CFH: variants seen among roughly 807,000 people sequenced by gnomAD.
CFH encodes H factor 1 (complement).
In CFH, 53 loss-of-function variants were observed where a neutral mutation model predicts 147.3. The observed-to-expected ratio is 0.36, with a 90% CI of 0.29 to 0.45. The LOEUF is 0.45. Among genes scored for constraint, CFH ranks in the 20% least tolerant of loss-of-function variants. The pLI is 1.00. For synonymous variants in CFH, 536 were observed against 489.4 expected (o/e 1.10, Z -1.26); for missense variants, 1,380 against 1,498.0 (o/e 0.92, Z 1.30).
intron 17 of CFH, among the ~76,000 whole-genome samples, chr1:196,737,895 A>G (rs1573077040): frequency 6.6e-6 from 1 of 152,156 alleles, no homozygotes; most frequent in Non-Finnish European, 1.5e-5. Flanking sequence ...GTGAAATTAA[A>G]CCTATCTGTA....
At chr1:196,669,078 G>A (rs1573004541) in intron 1 of CFH, among the ~76,000 whole-genome samples, 1 of 152,130 alleles carries the variant, frequency 6.6e-6, no homozygotes, top group East Asian at 1.9e-4. Flanking sequence ...ATGGGGACAA[G>A]GAACTTATTG....
At chr1:196,656,363 T>C (rs1278081680) in intron 1 of CFH, among the ~76,000 whole-genome samples, 2 of 151,826 alleles carry the variant, frequency 1.3e-5, no homozygotes, top group Middle Eastern at 3.4e-3. Context: ...CAATATTCTT[T>C]CAGAAACTCC....
At position 196,728,525 on chromosome 1, in the gene CFH, A is replaced by G. The variant is rs758944659; in HGVS notation, c.2413+3A>G. The G allele has an allele frequency of 2.5e-6, 4 of 1,612,274 alleles. No individual in the cohort carries two copies. The South Asian group carries it at 4.4e-5, about 18-fold the overall frequency. The stretch of plus-strand genomic sequence containing the variant: ...GGATCCAGAAGTGAACTGCTCAAGT[A>G]AGCTCTTATTTTGTTTTCAGAAATG... On this transcript the variant is annotated splice_donor_region_variant and intron_variant, in intron 15 of 21. Coordinates refer to ENST00000367429, the MANE Select transcript of CFH (RefSeq NM_000186.4).
chr1:196,745,487 G>T (rs1179679633), intron 20 of CFH, among the ~76,000 whole-genome samples: 2 of 152,004 alleles, frequency 1.3e-5, no homozygotes, highest in Non-Finnish European at 2.9e-5. Flanking sequence ...TAATTCCTAT[G>T]GGATTTTTCG....
At chr1:196,725,426 G>C in intron 12 of CFH, 129 bp downstream of exon 12, 1 of 856,200 alleles carries the variant, frequency 1.2e-6, no homozygotes, top group Non-Finnish European at 1.9e-6. Flanking sequence ...TGCCTGTGAA[G>C]GACATGTATT....
chr1:196,714,668 T>TATAGAGAGAG (rs1362376856), intron 10 of CFH, among the ~76,000 whole-genome samples: 6 of 21,308 alleles, frequency 2.8e-4, no homozygotes, highest in Non-Finnish European at 4.2e-4. Flanking sequence ...TATATATATA[T>TATAGAGAGAG]AGAGAGAGAG....
chr1:196,688,283 C>T (rs991686947), intron 7 of CFH, among the ~76,000 whole-genome samples: 9 of 151,778 alleles, frequency 5.9e-5, no homozygotes, highest in East Asian at 1.9e-4. Flanking sequence ...ATGTATTTGT[C>T]AAAATTAATA....
At chr1:196,686,420 A>T (rs1221115768) in intron 7 of CFH, among the ~76,000 whole-genome samples, 2 of 152,038 alleles carry the variant, frequency 1.3e-5, no homozygotes, top group African/African-American at 4.8e-5. Flanking sequence ...CATGTAGCAA[A>T]ATACCACTCA....
chr1:196,713,704 C>G, intron 9 of CFH, 31 bp from the exon 10 acceptor site: 1 of 1,348,608 alleles, frequency 7.4e-7, no homozygotes, highest in South Asian at 1.2e-5. Context: ...TGATCATATG[C>G]TTGTCTTTTT....
chr1:196,672,706 T>C (rs986761397), intron 1 of CFH, among the ~76,000 whole-genome samples: 6 of 152,188 alleles, frequency 3.9e-5, no homozygotes, highest in African/African-American at 1.4e-4. Flanking sequence ...AATATATCTA[T>C]TGCTTTGCAA....
At chr1:196,714,656 TATATATATATATAGAGAGAGAGAG>T (rs1185035653) in intron 10 of CFH, among the ~76,000 whole-genome samples, 9 of 49,348 alleles carry the variant, frequency 1.8e-4, no homozygotes, top group Non-Finnish European at 3.1e-4. Context: ...TATATATATA[TATATATATATATAGAGAGAGAGAG>T]AGAGAGAGAG....
intron 1 of CFH, among the ~76,000 whole-genome samples, chr1:196,661,434 T>C (rs894262390): frequency 2.0e-5 from 3 of 152,222 alleles, no homozygotes; most frequent in African/African-American, 7.2e-5. Context: ...TTTCTTACAC[T>C]TCTGAATGCT....
At chr1:196,724,716 C>G (rs192268303) in intron 11 of CFH, among the ~76,000 whole-genome samples, 142 of 152,260 alleles carry the variant, frequency 9.3e-4, no homozygotes, top group African/African-American at 3.4e-3. Context: ...GAACTTGTGT[C>G]CAAACTCCTT....
chr1:196,671,952 C>T (rs981288150), intron 1 of CFH, among the ~76,000 whole-genome samples: 1 of 151,242 alleles, frequency 6.6e-6, no homozygotes, highest in Non-Finnish European at 1.5e-5. Context: ...TTGACATCTG[C>T]TCTTAAATAT....
chr1:196,725,711 A>C lies in CFH; in HGVS notation c.1873+414A>C, dbSNP rs563814945. Among the ~76,000 whole-genome samples, 3 of 152,320 alleles carry C rather than the reference A, an allele frequency of 2.0e-5. No homozygotes were observed. In the East Asian group the frequency reaches 5.8e-4, roughly 29 times the overall value. On this transcript the variant is annotated intron_variant, in intron 12 of 21. Transcript: ENST00000367429. ...GAAGAGGAGCCACTGTGTCCAGAGA[A>C]CACATGATGAGAGAGGAAGCAAGAG...
intron 9 of CFH, among the ~76,000 whole-genome samples, chr1:196,705,816 G>C (rs1668571445): frequency 6.6e-6 from 1 of 152,172 alleles, no homozygotes; most frequent in Non-Finnish European, 1.5e-5. Flanking sequence ...TGGAACAGAA[G>C]TGGAGCTACT....
rs775836775 is a variant in CFH at position 196,677,549 on chromosome 1, A to G, written c.501A>G (p.Glu167=). The change falls in exon 5 of 22, where the codon GAA becomes GAG. Residue 167 remains glutamate, a synonymous_variant. Transcript: ENST00000367429. ...GTAGTGCAATGGAACCAGATCGGGA[A>G]TACCATTTTGGACAAGCAGTACGGT... The part of the protein sequence containing the change: ...IVSSAMEPDR[E]YHFGQAVRFV... 11 of 1,613,330 alleles carry G rather than the reference A, an allele frequency of 6.8e-6. No individual in the cohort carries two copies. Among genetic ancestry groups the G allele is most frequent in the South Asian group, 6.6e-5 (6 of 91,064 alleles).
At chr1:196,728,035 A>G (rs980221388) in intron 14 of CFH, among the ~76,000 whole-genome samples, 1 of 152,118 alleles carries the variant, frequency 6.6e-6, no homozygotes, top group Non-Finnish European at 1.5e-5. Flanking sequence ...TGGGTCCTGA[A>G]TTCTAAGAGT....
At chr1:196,661,733 G>A (rs1666912431) in intron 1 of CFH, among the ~76,000 whole-genome samples, 1 of 152,162 alleles carries the variant, frequency 6.6e-6, no homozygotes, top group Non-Finnish European at 1.5e-5. Flanking sequence ...CATAGCATAT[G>A]CCTTCTTAAC....
Sources: allele counts gnomAD v4.1 joint callset (sites outside exome capture counted in the v4.1 genomes callset), GRCh38; gene constraint gnomAD v4.1.1; transcripts MANE v1.5; gene names NCBI Gene and HGNC (gene_info 2026-07-23, HGNC 2026-07-21).